Variants in ZNF536 observed in about 807,000 individuals in gnomAD.
The protein encoded by ZNF536 is zinc finger protein 536.
A neutral mutation model predicts 84.5 loss-of-function variants in ZNF536; 13 were observed. The ratio of observed to expected loss-of-function variants is 0.15; its 90% CI spans 0.10 to 0.24. The LOEUF is 0.24. Ranked by LOEUF, ZNF536 falls within the 10% of genes least tolerant of loss-of-function variation. ZNF536 has a pLI of 1.00. For missense variants in ZNF536, 1,536 were observed against 1,747.5 expected (o/e 0.88, Z 2.16); for synonymous variants, 811 against 742.5 (o/e 1.09, Z -1.50).
At position 30,667,011 on chromosome 19, in the gene ZNF536, C is replaced by T. The variant is rs539658811; in HGVS notation, c.170-43746C>T. Among the ~76,000 whole-genome samples, 105 of 152,192 alleles carry T rather than the reference C, an allele frequency of 6.9e-4. 2 individuals carry two copies. In the South Asian group the frequency reaches 0.02, roughly 29 times the overall value. ...GGAAGGTGCTGAGTATCGCCTGACC[C>T]TTGGGGCAGCTGTTCTCAGGCCTAC... On this transcript the variant is annotated intron_variant, in intron 1 of 1. Coordinates refer to the ZNF536 transcript ENST00000592773.
At chr19:30,683,770 G>A (rs2051067217) in intron 1 of ZNF536, among the ~76,000 whole-genome samples, 2 of 152,120 alleles carry the variant, frequency 1.3e-5, no homozygotes. Flanking sequence ...TTTGGGAAAG[G>A]AAACAGCCTA....
intron 1 of ZNF536, among the ~76,000 whole-genome samples, chr19:30,409,919 G>C (rs1410990509): frequency 6.6e-6 from 1 of 151,906 alleles, no homozygotes; most frequent in Non-Finnish European, 1.5e-5. Flanking sequence ...TCCCTTTGGT[G>C]AATTACCTGT....
chr19:30,677,527 C>T (rs1015914462), intron 1 of ZNF536, among the ~76,000 whole-genome samples: 3 of 152,200 alleles, frequency 2.0e-5, no homozygotes, highest in African/African-American at 7.2e-5. Flanking sequence ...ATTCACTGCT[C>T]TCCATGCAGG....
intron 2 of ZNF536, among the ~76,000 whole-genome samples, chr19:30,298,902 G>C (rs1405613386): frequency 6.6e-6 from 1 of 152,210 alleles, no homozygotes; most frequent in African/African-American, 2.4e-5. Context: ...TTACCCGTAA[G>C]AGAAATTGGC....
chr19:30,419,231 C>T (rs188159193), intron 1 of ZNF536, among the ~76,000 whole-genome samples: 32 of 152,280 alleles, frequency 2.1e-4, no homozygotes, highest in African/African-American at 6.3e-4. Flanking sequence ...TAAGGCAGAA[C>T]GCTCCTTCAT....
At chr19:30,369,907 G>A (rs117576446), upstream of ZNF536, among the ~76,000 whole-genome samples, 5,121 of 152,232 alleles carry the variant, frequency 0.034, 128 homozygotes, top group Admixed American at 0.047. Flanking sequence ...TAAGCACAGA[G>A]CAGTTGGATA....
At chr19:30,672,381 G>A (rs2050593199) in intron 1 of ZNF536, among the ~76,000 whole-genome samples, 1 of 152,198 alleles carries the variant, frequency 6.6e-6, no homozygotes, top group African/African-American at 2.4e-5. Context: ...TAGAATGCAT[G>A]CGTTTGAAAT....
chr19:30,230,625 C>T (rs1007424859), intron 1 of ZNF536, among the ~76,000 whole-genome samples: 6 of 152,158 alleles, frequency 3.9e-5, no homozygotes, highest in Non-Finnish European at 8.8e-5. Flanking sequence ...AGGTGCCGCC[C>T]GACTTCCCAC....
chr19:30,644,628 G>A (rs1329021952), intron 1 of ZNF536, among the ~76,000 whole-genome samples: 2 of 151,916 alleles, frequency 1.3e-5, no homozygotes, highest in Non-Finnish European at 2.9e-5. Context: ...TTGGTTTTTT[G>A]TCCTTGCGAT....
intron 2 of ZNF536, among the ~76,000 whole-genome samples, chr19:30,510,867 A>T (rs986353532): frequency 5.3e-5 from 8 of 152,086 alleles, no homozygotes; most frequent in Admixed American, 5.2e-4. Context: ...CCGACCTGAG[A>T]TGCTGATCAG....
chr19:30,577,355 G>C (rs546812643), intron 1 of ZNF536, among the ~76,000 whole-genome samples: 1 of 152,264 alleles, frequency 6.6e-6, no homozygotes, highest in East Asian at 1.9e-4. Context: ...ACTTCAGCCA[G>C]CCTGGTGTTC....
chr19:30,638,824 T>G (rs374124855), intron 1 of ZNF536, among the ~76,000 whole-genome samples: 4 of 152,338 alleles, frequency 2.6e-5, no homozygotes, highest in African/African-American at 9.6e-5. Context: ...ACAGGACACA[T>G]TGCTGTATTA....
chr19:30,396,600 T>TTTTG (rs2049830412), intron 1 of ZNF536, among the ~76,000 whole-genome samples: 1 of 148,722 alleles, frequency 6.7e-6, no homozygotes, highest in South Asian at 2.2e-4. Context: ...CTCTTTTTTT[T>TTTTG]TTTTTTTTTT....
chr19:30,247,506 C>T (rs537117658), intron 1 of ZNF536, among the ~76,000 whole-genome samples: 1 of 152,122 alleles, frequency 6.6e-6, no homozygotes, highest in Non-Finnish European at 1.5e-5. Context: ...TGATGGGTTA[C>T]ACCTCGAACC....
intron 1 of ZNF536, among the ~76,000 whole-genome samples, chr19:30,601,676 G>T (rs1017330868): frequency 6.6e-6 from 1 of 152,142 alleles, no homozygotes; most frequent in Non-Finnish European, 1.5e-5. Flanking sequence ...TGGGCAGCTC[G>T]TTCTCAGACC....
chr19:30,650,196 G>A (rs2049644027), intron 1 of ZNF536, among the ~76,000 whole-genome samples: 1 of 152,216 alleles, frequency 6.6e-6, no homozygotes, highest in Non-Finnish European at 1.5e-5. Context: ...GCGGCACCTA[G>A]AGGCCATTGC....
intron 1 of ZNF536, among the ~76,000 whole-genome samples, chr19:30,258,701 A>G (rs2025038758): frequency 6.8e-6 from 1 of 148,072 alleles, no homozygotes; most frequent in South Asian, 2.1e-4. Flanking sequence ...TTAAATATTT[A>G]TTTATTTATT....
chr19:30,526,401 G>A (rs2044577447), intron 2 of ZNF536, among the ~76,000 whole-genome samples: 1 of 152,202 alleles, frequency 6.6e-6, no homozygotes, highest in Non-Finnish European at 1.5e-5. Context: ...TCCCCAGCAG[G>A]GAGTTTCACA....
At chr19:30,659,811 A>G (rs1476355197) in intron 1 of ZNF536, among the ~76,000 whole-genome samples, 1 of 148,494 alleles carries the variant, frequency 6.7e-6, no homozygotes, top group African/African-American at 2.6e-5. Flanking sequence ...CCATGTCACT[A>G]TTTGACATGA....
Sources: allele counts gnomAD v4.1 joint callset (sites outside exome capture counted in the v4.1 genomes callset), GRCh38; gene constraint gnomAD v4.1.1; transcripts MANE v1.5; gene names NCBI Gene and HGNC (gene_info 2026-07-23, HGNC 2026-07-21).